PKP4: variants seen among roughly 807,000 people sequenced by gnomAD.
PKP4 encodes plakophilin-4.
A neutral mutation model predicts 145.1 loss-of-function variants in PKP4; 90 were observed. The observed-to-expected ratio is 0.62, with a 90% confidence interval of 0.52 to 0.74. PKP4 has a LOEUF of 0.74. PKP4 is among the 30% of genes least tolerant of loss of function. The pLI is 0.00. For missense variants in PKP4, 1,340 were observed against 1,482.7 expected (o/e 0.90, Z 1.58); for synonymous variants, 563 against 577.2 (o/e 0.98, Z 0.35).
intron 3 of PKP4, among the ~76,000 whole-genome samples, chr2:158,587,935 T>TA (rs1000120281): frequency 2.0e-5 from 3 of 151,792 alleles, no homozygotes; most frequent in Non-Finnish European, 4.4e-5. Context: ...TTTTTTTTTT[T>TA]ACATCAAAGA....
intron 17 of PKP4, among the ~76,000 whole-genome samples, chr2:158,670,700 A>G (rs914087206): frequency 1.3e-5 from 2 of 152,174 alleles, no homozygotes; most frequent in African/African-American, 4.8e-5. Context: ...TTTCTGCCAC[A>G]TACCCAGAAA....
rs769519447 is a variant in PKP4 at position 158,680,538 on chromosome 2, G to A, written c.3440G>A (p.Arg1147Gln). 21 of 1,613,920 alleles carry A rather than the reference G, an allele frequency of 1.3e-5. No individual in the cohort carries two copies. Among genetic ancestry groups the A allele is most frequent in the South Asian group, 1.1e-4 (10 of 91,088 alleles). The change falls in exon 22 of 22, where the codon CGA becomes CAA. Residue 1147 changes from arginine (R) to glutamine (Q), a missense_variant. Transcript: ENST00000389759. Reference sequence around the variant, plus strand: ...TATGAAGATCCTTATTTTGATGACCGAGTTCACTTTCCAGCTTCTACTGAT... The same window carrying A: ...TATGAAGATCCTTATTTTGATGACCAAGTTCACTTTCCAGCTTCTACTGAT... Reference protein sequence around the residue: ...HSYEDPYFDDRVHFPASTDYS... With the variant: ...HSYEDPYFDDQVHFPASTDYS...
intron 15 of PKP4, among the ~76,000 whole-genome samples, chr2:158,663,975 C>A (rs574828405): frequency 3.9e-5 from 6 of 152,326 alleles, no homozygotes; most frequent in African/African-American, 7.2e-5. Context: ...TGGCTGCCCA[C>A]TGGGGCCCAC....
chr2:158,673,756 A>G lies in PKP4; in HGVS notation c.3004A>G (p.Lys1002Glu), dbSNP rs779306766. The change falls in exon 18 of 22, where the codon AAA (lysine) becomes GAA (glutamate). Residue 1002 changes from lysine to glutamate, a missense_variant. Lys to Glu is a moderately conservative substitution (Grantham distance 56, BLOSUM62 1). Transcript: ENST00000389759. ...ATATCGGGACCTCCGGAGCATTTATAAAAAGGTAACCTACAAGAATAGCTC... is the reference window on the plus strand; with the variant it reads ...ATATCGGGACCTCCGGAGCATTTATGAAAAGGTAACCTACAAGAATAGCTC... ...WQYRDLRSIYKKDGWNQNHFI... is the reference protein window; with the variant it reads ...WQYRDLRSIYEKDGWNQNHFI... 3 of 1,607,756 alleles carry G rather than the reference A, an allele frequency of 1.9e-6. No homozygotes were observed. The highest frequency in any genetic ancestry group is 1.1e-5 in the South Asian group (1 of 90,976).
At chr2:158,562,966 AAATT>A (rs2046672341) in intron 2 of PKP4, among the ~76,000 whole-genome samples, 1 of 152,174 alleles carries the variant, frequency 6.6e-6, no homozygotes, top group Non-Finnish European at 1.5e-5. Flanking sequence ...TTTATGGAAG[AAATT>A]AATTAAAACC....
intron 17 of PKP4, among the ~76,000 whole-genome samples, chr2:158,673,359 T>C (rs1324512625): frequency 6.6e-6 from 1 of 152,186 alleles, no homozygotes. Flanking sequence ...GTGAGATCAG[T>C]GGCCCTCAGT....
intron 1 of PKP4, among the ~76,000 whole-genome samples, chr2:158,486,684 A>G (rs568837347): frequency 6.6e-6 from 1 of 152,382 alleles, no homozygotes; most frequent in South Asian, 2.1e-4. Context: ...GCCACATGGC[A>G]AACTGATTTT....
In PKP4 at chr2:158,662,968, G is replaced by A; in HGVS notation, c.2283G>A (p.Arg761=). 1 of 1,613,916 alleles carries A rather than the reference G, an allele frequency of 6.2e-7. No homozygotes were observed. Among genetic ancestry groups the A allele is most frequent in the African/African-American group, 1.3e-5 (1 of 75,020 alleles). ...YRLELEVPQA[R]LLGLNELDDL... ...TGGAGCTGGAGGTGCCCCAGGCCCG[G>A]TTACTGGGACTGAACGAATTGGATG... The change falls in exon 14 of 22, where the codon CGG becomes CGA. Residue 761 remains arginine, a synonymous_variant. Coordinates refer to ENST00000389759, the MANE Select transcript of PKP4 (RefSeq NM_003628.6).
intron 1 of PKP4, among the ~76,000 whole-genome samples, chr2:158,473,733 AT>A (rs1691984243): frequency 6.6e-6 from 1 of 152,148 alleles, no homozygotes; most frequent in African/African-American, 2.4e-5. Context: ...ATGAAATAAT[AT>A]GTACAACATA....
At chr2:158,609,627 C>A (rs987481319) in intron 4 of PKP4, among the ~76,000 whole-genome samples, 1 of 152,170 alleles carries the variant, frequency 6.6e-6, no homozygotes, top group African/African-American at 2.4e-5. Flanking sequence ...TGCTTAGGAG[C>A]GATCCCTGCT....
chr2:158,594,136 G>A (rs1367534086), intron 3 of PKP4, among the ~76,000 whole-genome samples: 1 of 152,100 alleles, frequency 6.6e-6, no homozygotes, highest in Non-Finnish European at 1.5e-5. Context: ...TGCTCATTCT[G>A]TTGGTCACAC....
rs756583705 is a variant in PKP4 at position 158,680,582 on chromosome 2, C to A, written c.3484C>A (p.Leu1162Met). Reference protein sequence around the residue: ...ASTDYSTQYGLKSTTNYVDFY... With the variant: ...ASTDYSTQYGMKSTTNYVDFY... ...TACTGATTACTCAACACAGTATGGACTGAAATCGACCACAAATTATGTAGA... is the reference window on the plus strand; with the variant it reads ...TACTGATTACTCAACACAGTATGGAATGAAATCGACCACAAATTATGTAGA... The change falls in exon 22 of 22, where the codon CTG becomes ATG. Residue 1162 changes from leucine (L) to methionine (M), a missense_variant. Physicochemically the swap from Leu to Met is conservative, Grantham distance 15 (BLOSUM62 2). Transcript: ENST00000389759. 14 of 1,613,982 alleles carry A rather than the reference C, an allele frequency of 8.7e-6. No individual in the cohort carries two copies. The South Asian group carries it at 1.4e-4, about 16-fold the overall frequency.
intron 2 of PKP4, among the ~76,000 whole-genome samples, chr2:158,546,313 T>G (rs1009535277): frequency 1.3e-5 from 2 of 152,240 alleles, no homozygotes; most frequent in Non-Finnish European, 2.9e-5. Flanking sequence ...TGCTTTATTC[T>G]CTTTGCAAGA....
intron 8 of PKP4, chr2:158,632,540 A>G (rs1344827513): frequency 6.6e-6 from 1 of 152,582 alleles, no homozygotes; most frequent in Non-Finnish European, 1.5e-5. Context: ...ATGCCATACC[A>G]TCAAGGCTCA....
intron 1 of PKP4, among the ~76,000 whole-genome samples, chr2:158,472,612 C>CAAAA (rs67665979): frequency 1.8e-4 from 12 of 64,988 alleles, no homozygotes; most frequent in African/African-American, 6.3e-4. Context: ...GGCTCCATCT[C>CAAAA]AAAAAAAAAA....
intron 2 of PKP4, among the ~76,000 whole-genome samples, chr2:158,566,296 T>G (rs1028676049): frequency 6.6e-6 from 1 of 152,180 alleles, no homozygotes; most frequent in South Asian, 2.1e-4. Flanking sequence ...TTTATATTTT[T>G]TACTGTGTTT....
At chr2:158,478,882 A>G (rs932450276) in intron 1 of PKP4, among the ~76,000 whole-genome samples, 1 of 152,176 alleles carries the variant, frequency 6.6e-6, no homozygotes, top group Non-Finnish European at 1.5e-5. Context: ...CCTCTTCATT[A>G]TGTTTTTATT....
intron 4 of PKP4, among the ~76,000 whole-genome samples, chr2:158,619,764 A>G (rs558980063): frequency 6.6e-6 from 1 of 152,368 alleles, no homozygotes; most frequent in African/African-American, 2.4e-5. Context: ...CACTGAGGAT[A>G]TAACAAACCA....
At chr2:158,508,095 G>A (rs1020722465) in intron 1 of PKP4, among the ~76,000 whole-genome samples, 15 of 152,070 alleles carry the variant, frequency 9.9e-5, no homozygotes, top group South Asian at 2.1e-4. Flanking sequence ...AGTGGCTCAC[G>A]CCTGTAATCT....
Sources: allele counts gnomAD v4.1 joint callset (sites outside exome capture counted in the v4.1 genomes callset), GRCh38; gene constraint gnomAD v4.1.1; transcripts MANE v1.5; gene names NCBI Gene and HGNC (gene_info 2026-07-23, HGNC 2026-07-21).